Variants in HMGXB3 observed in about 807,000 individuals in gnomAD.
HMGXB3 encodes the protein HMG-box containing 3, also known as HMG domain-containing protein 3.
Under a neutral mutation model 121.5 loss-of-function variants are expected in HMGXB3, and 45 were observed. That is an observed-to-expected ratio of 0.37 (90% CI 0.29 to 0.47). The LOEUF (loss-of-function observed/expected upper bound fraction) is 0.47, where lower values mean the gene tolerates loss of function less well. Among genes scored for constraint, HMGXB3 ranks in the 20% least tolerant of loss-of-function variants. The pLI, the probability that HMGXB3 is intolerant of heterozygous loss-of-function variation, is 0.99. For missense variants in HMGXB3, 1,376 were observed against 1,602.2 expected (o/e 0.86, Z 2.41); for synonymous variants, 590 against 624.1 (o/e 0.95, Z 0.81).
At chr5:150,013,948 C>T (rs1007535807) in intron 5 of HMGXB3, among the ~76,000 whole-genome samples, 2 of 152,230 alleles carry the variant, frequency 1.3e-5, no homozygotes, top group African/African-American at 2.4e-5. Flanking sequence ...CCACTCTCTC[C>T]AGCTTTCCAG....
intron 5 of HMGXB3, among the ~76,000 whole-genome samples, chr5:150,013,341 T>C (rs371492136): frequency 6.6e-6 from 1 of 152,248 alleles, no homozygotes; most frequent in Non-Finnish European, 1.5e-5. Flanking sequence ...GAGAGTATTA[T>C]AAGAATTTTC....
At position 150,047,777 on chromosome 5, in the gene HMGXB3, G is replaced by A. The variant is rs558505286; in HGVS notation, c.3084+20G>A. The A allele has an allele frequency of 2.9e-5, 45 of 1,551,592 alleles. No homozygotes were observed. In the South Asian group the frequency reaches 5.2e-4, roughly 18 times the overall value. ...TCCAAGGTGAGTGTCAAGGGCAGTG[G>A]TGGATATCGGGGCTTCTGGAGTAGG... On this transcript the variant is annotated intron_variant, in intron 17 of 19. Coordinates refer to ENST00000502717, the MANE Select transcript of HMGXB3 (RefSeq NM_014983.3).
At chr5:150,040,923 C>A in intron 14 of HMGXB3, 44 bp downstream of exon 14, 2 of 1,470,056 alleles carry the variant, frequency 1.4e-6, no homozygotes, top group Non-Finnish European at 1.8e-6. Flanking sequence ...GTCCTAAGCT[C>A]CCTCGGAATT....
chr5:150,007,288 A>ATT (rs1232045768), intron 3 of HMGXB3, among the ~76,000 whole-genome samples: 5 of 152,242 alleles, frequency 3.3e-5, no homozygotes, highest in African/African-American at 1.2e-4. Context: ...CAGTAACAAA[A>ATT]TACACTGACA....
At chr5:150,018,758 TTAGGAAC>T in intron 6 of HMGXB3, 61 bp downstream of exon 6, 1 of 1,455,150 alleles carries the variant, frequency 6.9e-7, no homozygotes, top group Non-Finnish European at 9.2e-7. Flanking sequence ...CTGTTTGCCA[TTAGGAAC>T]AGGTGATTTT....
intron 15 of HMGXB3, 143 bp from the exon 16 acceptor site, chr5:150,045,323 C>A: frequency 1.5e-6 from 1 of 680,212 alleles, no homozygotes; most frequent in Non-Finnish European, 2.6e-6. Flanking sequence ...CTGTCAAATT[C>A]AAGGCCCTGT....
At position 150,040,876 on chromosome 5, in the gene HMGXB3, A is replaced by T. The variant is rs1756615052; in HGVS notation, c.2542A>T (p.Thr848Ser). 1.3e-6 allele frequency: 2 copies of T among 1,548,248 alleles called. No individual in the cohort carries two copies. Among genetic ancestry groups the T allele is most frequent in the Non-Finnish European group, 1.7e-6 (2 of 1,145,870 alleles). ...NVVLKSVQEQ[T>S]EKTLTSEELS... ...TGTTCTGAAGTCGGTGCAGGAGCAG[A>T]CAGGTAAAAGTTGTTTTCTTCCCTT... The change falls in exon 14 of 20, where the codon ACA becomes TCA. Residue 848 changes from threonine to serine, a missense_variant. Coordinates refer to ENST00000502717, the MANE Select transcript of HMGXB3 (RefSeq NM_014983.3).
Position 150,026,581 on chromosome 5 carries a change from A to T in HMGXB3, c.1461-125A>T. The T allele has an allele frequency of 5.2e-6, 4 of 763,628 alleles. No individual in the cohort carries two copies. The South Asian group carries it at 8.0e-5, about 15-fold the overall frequency. The allele number at this position is 763,628 out of a possible 1,614,324, so 47.3% of individuals were successfully genotyped here. The stretch of plus-strand genomic sequence containing the variant: ...TATTTAGTGGTTGAATTTGAACTCA[A>T]TCTGTCTAAAGCTTGACAGTTTAAC... On this transcript the variant is annotated intron_variant, in intron 7 of 19. Coordinates refer to ENST00000502717, the MANE Select transcript of HMGXB3 (RefSeq NM_014983.3).
intron 18 of HMGXB3, 34 bp from the exon 19 acceptor site, chr5:150,050,218 A>G (rs1388196327): frequency 2.0e-6 from 3 of 1,529,292 alleles, no homozygotes; most frequent in African/African-American, 2.8e-5. Flanking sequence ...TGGCTTCCTA[A>G]TTAACCCTGC....
At position 150,042,435 on chromosome 5, in the gene HMGXB3, G is replaced by A. The variant is rs191670204; in HGVS notation, c.2730+466G>A. On this transcript the variant is annotated intron_variant, in intron 15 of 19. Transcript: ENST00000502717. ...ATTTGTATTTTATAGAGGGCAGTGA[G>A]GGGGGAAGGCCCCTCTGATACAGTA... 4.7e-4 allele frequency among the ~76,000 whole-genome samples: 72 copies of A among 152,306 alleles called. No homozygotes were observed. The Middle Eastern group carries it at 0.014, about 29-fold the overall frequency.
chr5:150,051,649 A>C, intron 19 of HMGXB3, 76 bp from the exon 20 acceptor site: 3 of 1,184,728 alleles, frequency 2.5e-6, no homozygotes, highest in African/African-American at 1.5e-5. Flanking sequence ...GGCTGAGCCT[A>C]GAGTGTTCTC....
chr5:150,014,945 C>G lies in HMGXB3; in HGVS notation c.909+2592C>G, dbSNP rs1159797401. 2.3e-5 allele frequency: 22 copies of G among 950,384 alleles called. No individual in the cohort carries two copies. In the East Asian group the frequency reaches 7.2e-4, roughly 31 times the overall value. 58.9% of individuals were successfully genotyped at this position (950,384 alleles called of 1,614,324 possible). ...CTGATGGAGATCATATGAAATGTTC[C>G]CATATTCTCTTAAAAATGGGAAAAT... On this transcript the variant is annotated intron_variant, in intron 5 of 19. Transcript: ENST00000502717.
intron 11 of HMGXB3, 120 bp downstream of exon 11, chr5:150,032,723 A>C: frequency 8.4e-7 from 1 of 1,195,226 alleles, no homozygotes; most frequent in Non-Finnish European, 1.2e-6. Flanking sequence ...TCCAAACTGA[A>C]CCAGTTGGTG....
chr5:150,040,296 T>TTA (rs1206781626), intron 13 of HMGXB3, among the ~76,000 whole-genome samples: 1 of 152,222 alleles, frequency 6.6e-6, no homozygotes, highest in Non-Finnish European at 1.5e-5. Flanking sequence ...TTTATTCTTT[T>TTA]TAATGCTTTC....
chr5:150,040,533 G>A (rs947615406), intron 13 of HMGXB3, among the ~76,000 whole-genome samples: 7 of 151,828 alleles, frequency 4.6e-5, no homozygotes, highest in Non-Finnish European at 7.4e-5. Context: ...GAGATTACAG[G>A]CCATACCTGG....
Position 150,026,884 on chromosome 5 carries a change from A to C in HMGXB3, c.1636+3A>C. 6.6e-7 allele frequency: 1 copy of C among 1,509,090 alleles called. No individual in the cohort carries two copies. Among genetic ancestry groups the C allele is most frequent in the Non-Finnish European group, 8.9e-7 (1 of 1,126,220 alleles). 93.5% of individuals were successfully genotyped at this position (1,509,090 alleles called of 1,614,324 possible). A position where few individuals can be genotyped will look rare whatever the true frequency, so the allele number is the denominator to read the frequency against. ...CAGGCAGGCCTTTTCCCTGAGTGGT[A>C]AGGGCTGGGACATACCTGGGATGGA... On this transcript the variant is annotated splice_donor_region_variant and intron_variant, in intron 8 of 19. Transcript: ENST00000502717.
At chr5:150,008,843 A>G (rs1313291650) in intron 3 of HMGXB3, among the ~76,000 whole-genome samples, 1 of 152,248 alleles carries the variant, frequency 6.6e-6, no homozygotes, top group East Asian at 1.9e-4. Flanking sequence ...CCATTTCCCC[A>G]TTACCTCTCC....
At position 150,051,715 on chromosome 5, in the gene HMGXB3, T is replaced by TC; in HGVS notation, c.3412-9dup. 6.7e-7 allele frequency: 1 copy of TC among 1,500,624 alleles called. No individual in the cohort carries two copies. The highest frequency in any genetic ancestry group is 8.9e-7 in the Non-Finnish European group (1 of 1,121,476). The allele number at this position is 1,500,624 out of a possible 1,614,324, so 93.0% of individuals were successfully genotyped here. ...CTTCTTATCAAAATGCATTCTCATT[T>TC]CTCTTCTAGAGTGTGTCCTGCCCAG... On this transcript the variant is annotated splice_polypyrimidine_tract_variant and intron_variant, in intron 19 of 19. Coordinates refer to ENST00000502717, the MANE Select transcript of HMGXB3 (RefSeq NM_014983.3).
At chr5:150,024,740 C>T in intron 7 of HMGXB3, 60 bp downstream of exon 7, 1 of 1,346,824 alleles carries the variant, frequency 7.4e-7, no homozygotes, top group Non-Finnish European at 1.0e-6. Flanking sequence ...TCTTTTATCT[C>T]ATGTCTGTAC....
Sources: gnomAD v4.1 joint callset for allele counts (sites outside exome capture counted in the v4.1 genomes callset) on GRCh38, gnomAD v4.1.1 for gene constraint, MANE v1.5 for transcripts, NCBI Gene and HGNC (gene_info 2026-07-23, HGNC 2026-07-21) for gene names.